Variants in PARP6 observed in about 807,000 individuals in gnomAD.
PARP6 encodes poly(ADP-ribose) polymerase family member 6.
Under a neutral mutation model 92.0 loss-of-function variants are expected in PARP6, and 27 were observed. The ratio of observed to expected loss-of-function variants is 0.29; its 90% CI spans 0.22 to 0.40. The LOEUF is 0.40. Ranked by LOEUF, PARP6 falls within the 10% of genes least tolerant of loss-of-function variation. The pLI, the probability that PARP6 is intolerant of heterozygous loss-of-function variation, is 1.00. For missense variants in PARP6, 501 were observed against 784.5 expected (o/e 0.64, Z 4.32); for synonymous variants, 272 against 281.2 (o/e 0.97, Z 0.33).
At chr15:72,253,817 T>C in intron 15 of PARP6, 1 of 511,530 alleles carries the variant, frequency 2.0e-6, no homozygotes, top group South Asian at 1.6e-5. Context: ...CCAAGAAGAT[T>C]AGGCTAAGGA....
At chr15:72,253,576 G>A in intron 15 of PARP6, 72 bp from the exon 16 acceptor site, 1 of 1,292,506 alleles carries the variant, frequency 7.7e-7, no homozygotes, top group Non-Finnish European at 1.1e-6. Context: ...TTTTCACAGA[G>A]TGACTATTAG....
chr15:72,247,607 C>T (rs1044001005), intron 20 of PARP6, among the ~76,000 whole-genome samples: 1 of 151,854 alleles, frequency 6.6e-6, no homozygotes, highest in African/African-American at 2.4e-5. Flanking sequence ...TTTGTAAAAC[C>T]ATCTGGGCTT....
At chr15:72,243,708 T>C (rs949804819) in intron 20 of PARP6, 6 of 152,226 alleles carry the variant, frequency 3.9e-5, no homozygotes, top group African/African-American at 1.4e-4. Flanking sequence ...CTCAGCTTTA[T>C]CATAGGCCCA....
intron 2 of PARP6, among the ~76,000 whole-genome samples, chr15:72,269,321 C>T (rs769298976): frequency 2.0e-5 from 3 of 152,182 alleles, no homozygotes; most frequent in Non-Finnish European, 4.4e-5. Context: ...CCACCATGCC[C>T]AGCTAATTTT....
intron 2 of PARP6, among the ~76,000 whole-genome samples, chr15:72,268,753 T>C (rs1396940570): frequency 4.6e-5 from 7 of 152,204 alleles, no homozygotes; most frequent in Non-Finnish European, 1.0e-4. Flanking sequence ...ATGGTCTCAG[T>C]TGTCATTGCC....
At chr15:72,262,772 T>G (rs1353439886) in intron 8 of PARP6, among the ~76,000 whole-genome samples, 1 of 152,226 alleles carries the variant, frequency 6.6e-6, no homozygotes, top group African/African-American at 2.4e-5. Flanking sequence ...TTGTCTTCTG[T>G]GCCACCATTA....
intron 17 of PARP6, 46 bp from the exon 18 acceptor site, chr15:72,251,000 C>T (rs369632041): frequency 1.3e-5 from 19 of 1,416,458 alleles, no homozygotes; most frequent in East Asian, 2.3e-5. Context: ...GAGCAGAAAT[C>T]GAGATCAGGG....
At chr15:72,263,475 GACC>G (rs2086160972) in intron 8 of PARP6, among the ~76,000 whole-genome samples, 1 of 152,030 alleles carries the variant, frequency 6.6e-6, no homozygotes, top group South Asian at 2.1e-4. Flanking sequence ...AAATAAATCT[GACC>G]ACGTCATTTC....
intron 11 of PARP6, 120 bp downstream of exon 11, chr15:72,259,488 A>G (rs747371006): frequency 9.1e-6 from 7 of 767,906 alleles, no homozygotes; most frequent in Admixed American, 4.1e-5. Context: ...TCCTTCTACC[A>G]TTAGTTCTGG....
chr15:72,253,960 G>C, intron 15 of PARP6: 1 of 450,684 alleles, frequency 2.2e-6, no homozygotes, highest in Non-Finnish European at 4.4e-6. Context: ...CTGTAAATGA[G>C]TACAAATGAA....
At chr15:72,267,433 C>T in intron 3 of PARP6, 42 bp downstream of exon 3, 1 of 1,608,986 alleles carries the variant, frequency 6.2e-7, no homozygotes, top group Non-Finnish European at 8.5e-7. Flanking sequence ...TCTCCTCTAC[C>T]CTTTGAACAA....
At chr15:72,248,061 G>A (rs558140231) in intron 20 of PARP6, among the ~76,000 whole-genome samples, 4 of 152,176 alleles carry the variant, frequency 2.6e-5, no homozygotes, top group Non-Finnish European at 4.4e-5. Flanking sequence ...GTGAGCCACC[G>A]TGCCCCGCCT....
intron 13 of PARP6, 98 bp downstream of exon 13, chr15:72,257,250 C>T: frequency 1.1e-6 from 1 of 888,502 alleles, no homozygotes; most frequent in East Asian, 2.4e-5. Context: ...ATCTTATATA[C>T]AAAAGCATTT....
Position 72,242,110 on chromosome 15 carries a change from A to G in PARP6, c.1705+47T>C. The G allele has an allele frequency of 3.2e-6, 5 of 1,567,272 alleles. No homozygotes were observed. The highest frequency in any genetic ancestry group is 2.6e-6 in the Non-Finnish European group (3 of 1,137,346). The stretch of plus-strand genomic sequence containing the variant: ...ATCATGTGCCAAAATTACATCAGAA[A>G]CAAAGGTTAGAGACCCAGAAAAACA... On this transcript the variant is annotated intron_variant, in intron 22 of 23. Transcript: ENST00000569795. The surrounding 1 kb of genome is among the most constrained non-coding windows in gnomAD (Gnocchi z 4.3).
intron 16 of PARP6, among the ~76,000 whole-genome samples, chr15:72,252,340 G>A (rs538682717): frequency 8.5e-5 from 13 of 152,284 alleles, no homozygotes; most frequent in African/African-American, 2.6e-4. Flanking sequence ...GTAACAATGT[G>A]TAATATTCTT....
chr15:72,267,909 G>A (rs1015923991), intron 2 of PARP6, among the ~76,000 whole-genome samples: 12 of 152,010 alleles, frequency 7.9e-5, no homozygotes, highest in Admixed American at 2.0e-4. Flanking sequence ...CTGCTGCCAC[G>A]CCCAGCTAAT....
chr15:72,246,211 A>T (rs1239493769), intron 20 of PARP6, among the ~76,000 whole-genome samples: 1 of 152,166 alleles, frequency 6.6e-6, no homozygotes, highest in Non-Finnish European at 1.5e-5. Flanking sequence ...GTGCAGTGGC[A>T]CGATCTCAGC....
chr15:72,260,314 C>CA (rs766882987), intron 10 of PARP6, among the ~76,000 whole-genome samples, 164 bp downstream of exon 10: 20 of 150,168 alleles, frequency 1.3e-4, no homozygotes, highest in Admixed American at 2.0e-4. Context: ...GACCCTGTCT[C>CA]AAAAAAAAAG....
At chr15:72,243,227 C>T (rs1397094683) in intron 20 of PARP6, 2 of 153,398 alleles carry the variant, frequency 1.3e-5, no homozygotes, top group Non-Finnish European at 2.9e-5. Flanking sequence ...TAGGGAACCA[C>T]TGCAGGGTTC....
Sources: gnomAD v4.1 joint callset for allele counts (sites outside exome capture counted in the v4.1 genomes callset) on GRCh38, gnomAD v4.1.1 for gene constraint, Gnocchi (gnomAD v3.1) non-coding constraint, MANE v1.5 for transcripts, NCBI Gene and HGNC (gene_info 2026-07-23, HGNC 2026-07-21) for gene names.